GNG2: variants seen among roughly 807,000 people sequenced by gnomAD.
GNG2 encodes G protein subunit gamma 2, also known as guanine nucleotide-binding protein G(I)/G(S)/G(O) subunit gamma-2.
In GNG2, 5 loss-of-function variants were observed where a neutral mutation model predicts 5.5. The observed-to-expected ratio is 0.91, with a 90% CI of 0.48 to 1.92. The LOEUF is 1.92. Ranked by LOEUF, GNG2 falls within the 30% of genes most tolerant of loss-of-function variation. GNG2 has a pLI of 0.01. For missense variants in GNG2, 55 were observed against 88.4 expected, an observed-to-expected ratio of 0.62 and a Z score of 1.52; for synonymous variants, 28 against 32.0, an observed-to-expected ratio of 0.88 and a Z score of 0.42.
chr14:51,886,043 G>C (rs186945743), intron 2 of GNG2, among the ~76,000 whole-genome samples: 6 of 152,236 alleles, frequency 3.9e-5, no homozygotes, highest in African/African-American at 1.4e-4. Flanking sequence ...TTGCCATTTA[G>C]GCAGTTTTTA....
At chr14:51,905,128 G>A (rs539430014) in intron 2 of GNG2, among the ~76,000 whole-genome samples, 5 of 152,254 alleles carry the variant, frequency 3.3e-5, no homozygotes, top group East Asian at 3.9e-4. Context: ...TGGTTGGCTC[G>A]CTGCATCCAT....
chr14:51,908,760 A>G (rs866773507), intron 2 of GNG2, among the ~76,000 whole-genome samples: 2 of 23,366 alleles, frequency 8.6e-5, no homozygotes, highest in Non-Finnish European at 1.6e-4. Context: ...TTTTTTTTTT[A>G]GTAGAGATGG....
intron 2 of GNG2, among the ~76,000 whole-genome samples, chr14:51,942,632 C>T (rs556348104): frequency 3.5e-4 from 17 of 49,196 alleles, no homozygotes; most frequent in Admixed American, 1.5e-3. Context: ...CTGTGTTGCC[C>T]AGGCTGGATT....
intron 2 of GNG2, among the ~76,000 whole-genome samples, chr14:51,934,206 G>C (rs1227464155): frequency 6.6e-6 from 1 of 152,142 alleles, no homozygotes; most frequent in Non-Finnish European, 1.5e-5. Context: ...CGGAGAAAAG[G>C]CAGTAAGCTC....
intron 2 of GNG2, among the ~76,000 whole-genome samples, chr14:51,889,355 C>T (rs1042339564): frequency 6.6e-5 from 10 of 151,932 alleles, no homozygotes; most frequent in African/African-American, 1.9e-4. Context: ...TCAAGTGATC[C>T]GCCTGCCTCG....
rs1445313036 is a variant in GNG2 at position 51,889,109 on chromosome 14, C to CCTTTTTTTTTTTTT, written c.-30+11452_-30+11453insCTTTTTTTTTTTTT. On this transcript the variant is annotated intron_variant, in intron 2 of 3. Coordinates refer to ENST00000556766, the MANE Select transcript of GNG2 (RefSeq NM_053064.5). ...GACTGCTAATGGGTATGGGTTTGCG[C>CCTTTTTTTTTTTTT]TTTTTTTTTTTTTTTTTTTTTGAGA... Among the ~76,000 whole-genome samples the CCTTTTTTTTTTTTT allele has an allele frequency of 3.4e-5, 4 of 118,938 alleles. 2 individuals are homozygous for CCTTTTTTTTTTTTT. Among genetic ancestry groups the CCTTTTTTTTTTTTT allele is most frequent in the Non-Finnish European group, 7.1e-5 (4 of 56,462 alleles). The allele number at this position is 118,938 out of a possible 152,430, so 78.0% of individuals were successfully genotyped here.
At chr14:51,957,326 C>G (rs997830880) in intron 3 of GNG2, among the ~76,000 whole-genome samples, 6 of 152,132 alleles carry the variant, frequency 3.9e-5, no homozygotes, top group Admixed American at 3.3e-4. Flanking sequence ...CCTCCACTTC[C>G]CCTTCTAGCA....
At chr14:51,930,542 C>T (rs1174839289) in intron 2 of GNG2, among the ~76,000 whole-genome samples, 1 of 152,208 alleles carries the variant, frequency 6.6e-6, no homozygotes, top group Admixed American at 6.5e-5. Flanking sequence ...GTCTCTTCAT[C>T]TGCAAAATCG....
upstream of GNG2, among the ~76,000 whole-genome samples, chr14:51,857,612 T>C (rs1882222436): frequency 6.6e-6 from 1 of 152,116 alleles, no homozygotes; most frequent in Admixed American, 6.5e-5. Context: ...TAGAAAGTAT[T>C]GTAATTGCAC....
intron 2 of GNG2, among the ~76,000 whole-genome samples, chr14:51,943,208 G>A (rs1488847797): frequency 2.0e-5 from 3 of 152,190 alleles, no homozygotes; most frequent in Non-Finnish European, 4.4e-5. Context: ...GTGAGGGGGA[G>A]TAGTGTGTAG....
intron 2 of GNG2, among the ~76,000 whole-genome samples, chr14:51,831,835 G>C (rs1594827887): frequency 6.6e-6 from 1 of 152,156 alleles, no homozygotes; most frequent in Non-Finnish European, 1.5e-5. Flanking sequence ...GTCTCATAAA[G>C]TGATACCAAA....
intron 2 of GNG2, among the ~76,000 whole-genome samples, chr14:51,947,782 A>G (rs1208792644): frequency 2.0e-5 from 3 of 152,246 alleles, no homozygotes; most frequent in Admixed American, 2.0e-4. Flanking sequence ...CCCAGGGAGC[A>G]TGAAAAGGCA....
chr14:51,901,868 C>T (rs978231137), intron 2 of GNG2, among the ~76,000 whole-genome samples: 1 of 143,786 alleles, frequency 7.0e-6, no homozygotes, highest in East Asian at 2.1e-4. Context: ...GTCAGTATAA[C>T]AGTGAAGTTA....
chr14:51,897,127 T>C (rs1885246255), intron 2 of GNG2, among the ~76,000 whole-genome samples: 1 of 152,170 alleles, frequency 6.6e-6, no homozygotes, highest in African/African-American at 2.4e-5. Context: ...TGACTTACCA[T>C]GGAGTATATT....
intron 2 of GNG2, among the ~76,000 whole-genome samples, chr14:51,844,306 G>T (rs536293682): frequency 6.6e-6 from 1 of 152,220 alleles, no homozygotes; most frequent in South Asian, 2.1e-4. Flanking sequence ...ATCTGGTCTG[G>T]TTTCCCATCT....
At chr14:51,882,887 G>T (rs541599758) in intron 2 of GNG2, among the ~76,000 whole-genome samples, 13 of 152,040 alleles carry the variant, frequency 8.6e-5, no homozygotes, top group Admixed American at 2.0e-4. Flanking sequence ...GCACATGCCT[G>T]TAGTCCCAGC....
At chr14:51,940,607 G>C (rs1053510453) in intron 2 of GNG2, among the ~76,000 whole-genome samples, 2 of 152,214 alleles carry the variant, frequency 1.3e-5, no homozygotes, top group Non-Finnish European at 2.9e-5. Context: ...TGAAAGACAT[G>C]ATTGGGAAAG....
At chr14:51,956,451 C>G (rs142701455) in intron 3 of GNG2, among the ~76,000 whole-genome samples, 87 of 152,230 alleles carry the variant, frequency 5.7e-4, no homozygotes, top group Non-Finnish European at 9.9e-4. Flanking sequence ...AATTGTAGGA[C>G]ACACAGGTGG....
chr14:51,908,042 T>TGTGGATCTGGAATCCAGG (rs1886040570), intron 2 of GNG2, among the ~76,000 whole-genome samples: 1 of 152,260 alleles, frequency 6.6e-6, no homozygotes, highest in African/African-American at 2.4e-5. Context: ...CTAATAGTTT[T>TGTGGATCTGGAATCCAGG]GTGGATCTGG....
Sources: allele counts gnomAD v4.1 joint callset (sites outside exome capture counted in the v4.1 genomes callset), GRCh38; gene constraint gnomAD v4.1.1; transcripts MANE v1.5; gene names NCBI Gene and HGNC (gene_info 2026-07-23, HGNC 2026-07-21).